ROBO1: variants seen among roughly 807,000 people sequenced by gnomAD.
The protein encoded by ROBO1 is roundabout homolog 1.
A neutral mutation model predicts 195.9 loss-of-function variants in ROBO1; 149 were observed. That is an observed-to-expected ratio of 0.76 (90% confidence interval 0.67 to 0.87). The LOEUF (loss-of-function observed/expected upper bound fraction) is 0.87, where lower values mean the gene tolerates loss of function less well. Among genes scored for constraint, ROBO1 ranks in the 40% least tolerant of loss-of-function variants. The probability of loss-of-function intolerance (pLI) is 0.00; values close to 1 mark genes in which losing one functional copy is unlikely to be tolerated. For missense variants in ROBO1, 1,933 were observed against 2,068.3 expected (o/e 0.93, Z 1.27); for synonymous variants, 816 against 733.2 (o/e 1.11, Z -1.82).
At chr3:78,854,162 ATGCCCTGTAAATTTCAGTTTGCC>A (rs930444255) in intron 4 of ROBO1, among the ~76,000 whole-genome samples, 3 of 151,694 alleles carry the variant, frequency 2.0e-5, no homozygotes, top group African/African-American at 7.3e-5. Flanking sequence ...ATCTGTGGGC[ATGCCCTGTAAATTTCAGTTTGCC>A]TGCCCCCACA....
At chr3:79,623,495 A>G (rs1262966546) in intron 1 of ROBO1, among the ~76,000 whole-genome samples, 3 of 152,210 alleles carry the variant, frequency 2.0e-5, no homozygotes, top group African/African-American at 7.2e-5. Flanking sequence ...TTAAAGAGGA[A>G]CATAAACAAC....
intron 2 of ROBO1, among the ~76,000 whole-genome samples, chr3:79,153,777 T>A (rs536935273): frequency 6.7e-6 from 1 of 148,582 alleles, no homozygotes; most frequent in South Asian, 2.1e-4. Flanking sequence ...TTATATGTAA[T>A]ATAAATAATA....
intron 3 of ROBO1, among the ~76,000 whole-genome samples, chr3:78,960,789 C>CAAAA (rs112826758): frequency 0.041 from 4,523 of 109,724 alleles, 237 homozygotes; most frequent in African/African-American, 0.12. Flanking sequence ...AACACACACA[C>CAAAA]ACACACACAC....
intron 21 of ROBO1, among the ~76,000 whole-genome samples, chr3:78,642,342 A>T (rs1313953709): frequency 6.6e-6 from 1 of 152,166 alleles, no homozygotes; most frequent in Non-Finnish European, 1.5e-5. Context: ...ACAAAATAAA[A>T]CACTACAGAG....
chr3:78,852,108 C>T (rs576890882), intron 4 of ROBO1, among the ~76,000 whole-genome samples: 63 of 151,902 alleles, frequency 4.1e-4, no homozygotes, highest in Non-Finnish European at 8.4e-4. Context: ...GAATCAGTTC[C>T]TAGGAAATGA....
intron 2 of ROBO1, among the ~76,000 whole-genome samples, chr3:79,447,923 T>A (rs995943335): frequency 2.6e-4 from 39 of 152,290 alleles, no homozygotes; most frequent in African/African-American, 9.4e-4. Context: ...CTACATCTAC[T>A]AACTCACTTC....
rs951863400 is a variant in ROBO1 at position 78,981,824 on chromosome 3, C to A, written c.173-42897G>T. Among the ~76,000 whole-genome samples the A allele has an allele frequency of 2.4e-4, 37 of 151,292 alleles. 1 individual carries two copies. The East Asian group carries it at 4.3e-3, about 18-fold the overall frequency. On this transcript the variant is annotated intron_variant, in intron 3 of 30. Coordinates refer to ENST00000464233, the MANE Select transcript of ROBO1 (RefSeq NM_002941.4). Reference sequence around the variant, plus strand: ...ACACACACACACACACACACACACACAAAAACACACCCACAGTGAGGGACT... The same window carrying A: ...ACACACACACACACACACACACACAAAAAAACACACCCACAGTGAGGGACT...
At chr3:78,946,158 G>T (rs370170823) in intron 3 of ROBO1, among the ~76,000 whole-genome samples, 1 of 152,068 alleles carries the variant, frequency 6.6e-6, no homozygotes, top group East Asian at 1.9e-4. Flanking sequence ...TTCAAATTCA[G>T]GAAATACAGA....
intron 2 of ROBO1, among the ~76,000 whole-genome samples, chr3:79,384,563 T>A (rs2036672727): frequency 6.6e-6 from 1 of 151,990 alleles, no homozygotes; most frequent in African/African-American, 2.4e-5. Flanking sequence ...AGAGAAGTGT[T>A]TTAAAATTAT....
chr3:79,349,686 A>G (rs903140989), intron 2 of ROBO1, among the ~76,000 whole-genome samples: 5 of 152,194 alleles, frequency 3.3e-5, no homozygotes, highest in African/African-American at 1.2e-4. Flanking sequence ...CTGATTTTCA[A>G]CAAGGGTGCT....
Position 78,938,617 on chromosome 3 carries a change from T to A in ROBO1, c.483A>T (p.Ala161=). 1 of 1,610,116 alleles carries A rather than the reference T, an allele frequency of 6.2e-7. No homozygotes were observed. The highest frequency in any genetic ancestry group is 8.5e-7 in the Non-Finnish European group (1 of 1,176,794). Reference sequence around the variant, plus strand: ...TTTACTTACTGGCTACTTCCAGCGATGCATTGTGGCTCACAGCCTCTCCAA... The same window carrying A: ...TTTACTTACTGGCTACTTCCAGCGAAGCATTGTGGCTCACAGCCTCTCCAA... ...NYLGEAVSHN[A]SLEVAILRDD... is the part of the protein sequence containing the mutation. The change falls in exon 4 of 31, where the codon GCA becomes GCT. Residue 161 remains alanine, a synonymous_variant. Transcript: ENST00000464233.
intron 26 of ROBO1, among the ~76,000 whole-genome samples, chr3:78,626,459 A>G (rs1193477375): frequency 6.6e-6 from 1 of 152,194 alleles, no homozygotes; most frequent in Non-Finnish European, 1.5e-5. Context: ...CAAGCCACAA[A>G]AATCGCAGTT....
intron 2 of ROBO1, among the ~76,000 whole-genome samples, chr3:79,268,709 G>C (rs2030228851): frequency 6.6e-6 from 1 of 151,642 alleles, no homozygotes; most frequent in South Asian, 2.1e-4. Flanking sequence ...ACTTATATGA[G>C]TAATACCTTG....
In ROBO1 at chr3:79,491,545, T is replaced by A. The variant is rs189866496; in HGVS notation, c.88+98279A>T. Among the ~76,000 whole-genome samples the A allele has an allele frequency of 5.6e-4, 85 of 152,238 alleles. 1 individual carries two copies. The highest frequency in any genetic ancestry group is 2.4e-4 in the Non-Finnish European group (16 of 68,012). ...TTGTTAAATTCATGAAATTCTAGAG[T>A]GTTCAGCATGTGCATAAAATCTTTG... On this transcript the variant is annotated intron_variant, in intron 2 of 30. Coordinates refer to ENST00000464233, the MANE Select transcript of ROBO1 (RefSeq NM_002941.4).
At chr3:79,423,562 C>T (rs2038320275) in intron 2 of ROBO1, among the ~76,000 whole-genome samples, 1 of 151,700 alleles carries the variant, frequency 6.6e-6, no homozygotes, top group Admixed American at 6.6e-5. Flanking sequence ...CTGAGCTGAG[C>T]CTCTATGTTC....
intron 2 of ROBO1, among the ~76,000 whole-genome samples, chr3:79,552,117 G>T (rs9863250): frequency 0.24 from 35,979 of 150,372 alleles, 4,845 homozygotes; most frequent in African/African-American, 0.36. Context: ...GCTACCTGCT[G>T]TAGTAAGGAA....
chr3:79,065,598 C>T (rs1341646695), intron 3 of ROBO1, among the ~76,000 whole-genome samples: 5 of 151,854 alleles, frequency 3.3e-5, no homozygotes, highest in Admixed American at 1.3e-4. Context: ...ATTTTAGGAG[C>T]CAATTTGAAA....
intron 2 of ROBO1, among the ~76,000 whole-genome samples, chr3:79,345,894 T>C (rs190414169): frequency 2.2e-4 from 34 of 152,326 alleles, no homozygotes; most frequent in Admixed American, 1.8e-3. Context: ...TTTCAGTGTT[T>C]ATAGTGTCCT....
intron 3 of ROBO1, among the ~76,000 whole-genome samples, chr3:79,087,519 C>CT (rs2079394047): frequency 6.6e-6 from 1 of 151,280 alleles, no homozygotes; most frequent in Non-Finnish European, 1.5e-5. Flanking sequence ...TCCTTCCTTC[C>CT]TTCCTTTCCT....
Sources: gnomAD v4.1 joint callset for allele counts (sites outside exome capture counted in the v4.1 genomes callset) on GRCh38, gnomAD v4.1.1 for gene constraint, MANE v1.5 for transcripts, NCBI Gene and HGNC (gene_info 2026-07-23, HGNC 2026-07-21) for gene names.